Variants in PRKCE observed in about 807,000 individuals in gnomAD.
The protein encoded by PRKCE is protein kinase C epsilon type.
Under a neutral mutation model 85.4 loss-of-function variants are expected in PRKCE, and 16 were observed. That is an observed-to-expected ratio of 0.19 (90% CI 0.13 to 0.28). The LOEUF (loss-of-function observed/expected upper bound fraction) is 0.28, where lower values mean the gene tolerates loss of function less well. PRKCE is among the 10% of genes least tolerant of loss of function. PRKCE has a pLI of 1.00. For synonymous variants in PRKCE, 388 were observed against 371.5 expected (o/e 1.04, Z -0.51); for missense variants, 573 against 975.2 (o/e 0.59, Z 5.49).
At chr2:46,069,283 T>TTC in intron 10 of PRKCE, among the ~76,000 whole-genome samples, 1 of 152,188 alleles carries the variant, frequency 6.6e-6, no homozygotes, top group African/African-American at 2.4e-5. Context: ...TGCCAGTCAC[T>TTC]AACTATTGAA....
intron 1 of PRKCE, among the ~76,000 whole-genome samples, chr2:45,789,403 C>G (rs191021842): frequency 6.6e-6 from 1 of 152,294 alleles, no homozygotes; most frequent in Non-Finnish European, 1.5e-5. Context: ...GTATGTTTGA[C>G]AAAAGCCTAG....
chr2:45,954,422 A>T (rs1041809633), intron 2 of PRKCE, among the ~76,000 whole-genome samples: 1 of 152,230 alleles, frequency 6.6e-6, no homozygotes, highest in African/African-American at 2.4e-5. Flanking sequence ...AGCAAAGAAC[A>T]TGTAAGGAAA....
rs898377102 is a variant in PRKCE at position 45,774,741 on chromosome 2, C to T, written c.349-68259C>T. On this transcript the variant is annotated intron_variant, in intron 1 of 14. Coordinates refer to ENST00000306156, the MANE Select transcript of PRKCE (RefSeq NM_005400.3). This position sits in a 1 kb window ranked among gnomAD's most constrained non-coding sequence, Gnocchi z 4.3. The stretch of plus-strand genomic sequence containing the variant: ...TGAATCAAGCCGGGACGCCCAGTCA[C>T]CCTGACTTTGACTCTTTCCTGGAGG... Among the ~76,000 whole-genome samples, 2 of 152,102 alleles carry T rather than the reference C, an allele frequency of 1.3e-5. No individual in the cohort carries two copies. The highest frequency in any genetic ancestry group is 6.5e-5 in the Admixed American group (1 of 15,276).
At chr2:45,828,271 C>T (rs1455727804) in intron 1 of PRKCE, among the ~76,000 whole-genome samples, 1 of 152,194 alleles carries the variant, frequency 6.6e-6, no homozygotes, top group East Asian at 1.9e-4. Flanking sequence ...GTTGAAAACT[C>T]TATTGATAAT....
chr2:46,061,532 G>A (rs1244537466), intron 10 of PRKCE, among the ~76,000 whole-genome samples: 1 of 152,172 alleles, frequency 6.6e-6, no homozygotes, highest in South Asian at 2.1e-4. Context: ...ATGACCTAGA[G>A]CAGTCATTTC....
chr2:45,693,902 G>A (rs1677939110), intron 1 of PRKCE, among the ~76,000 whole-genome samples: 2 of 152,018 alleles, frequency 1.3e-5, no homozygotes. Flanking sequence ...TCCATAGCAG[G>A]GAGAGAAGTT....
At chr2:46,177,421 G>A (rs1679526941) in intron 14 of PRKCE, among the ~76,000 whole-genome samples, 1 of 152,214 alleles carries the variant, frequency 6.6e-6, no homozygotes, top group Non-Finnish European at 1.5e-5. Context: ...AAATCAAGGT[G>A]TTGGCAGGGT....
At chr2:45,939,174 G>T (rs1487758281) in intron 2 of PRKCE, among the ~76,000 whole-genome samples, 1 of 152,190 alleles carries the variant, frequency 6.6e-6, no homozygotes, top group Non-Finnish European at 1.5e-5. Context: ...TCACTTGGAG[G>T]CTTCAATAAG....
intron 6 of PRKCE, among the ~76,000 whole-genome samples, chr2:45,995,753 C>G (rs1032727362): frequency 3.3e-5 from 5 of 152,162 alleles, no homozygotes; most frequent in Non-Finnish European, 7.4e-5. Context: ...ATTACTTCAG[C>G]TTTATAGTAA....
chr2:45,659,906 T>C (rs962388005), intron 1 of PRKCE, among the ~76,000 whole-genome samples: 1 of 152,210 alleles, frequency 6.6e-6, no homozygotes, highest in Non-Finnish European at 1.5e-5. Context: ...TTTATCTTTG[T>C]TGTTTATTTC....
At chr2:46,148,976 G>A (rs557180963) in intron 12 of PRKCE, among the ~76,000 whole-genome samples, 50 of 152,300 alleles carry the variant, frequency 3.3e-4, no homozygotes, top group Non-Finnish European at 5.9e-4. Context: ...AAAGGTATTA[G>A]CTAAACAGAT....
intron 1 of PRKCE, among the ~76,000 whole-genome samples, chr2:45,819,574 G>T (rs1689355211): frequency 6.6e-6 from 1 of 152,142 alleles, no homozygotes; most frequent in South Asian, 2.1e-4. Flanking sequence ...TGTTCCTTCT[G>T]GTTTTTCACG....
At chr2:45,910,498 G>A (rs1038060335) in intron 2 of PRKCE, among the ~76,000 whole-genome samples, 7 of 152,178 alleles carry the variant, frequency 4.6e-5, no homozygotes, top group Non-Finnish European at 1.0e-4. Context: ...CACCTTACAT[G>A]GGAGTAGGCT....
chr2:45,810,086 G>A (rs1038028713), intron 1 of PRKCE, among the ~76,000 whole-genome samples: 1 of 151,916 alleles, frequency 6.6e-6, no homozygotes, highest in Non-Finnish European at 1.5e-5. Context: ...TGTCCCCCAG[G>A]CTGGAGTGCA....
chr2:46,162,586 A>C (rs2104596823), intron 14 of PRKCE, among the ~76,000 whole-genome samples: 1 of 152,258 alleles, frequency 6.6e-6, no homozygotes, highest in South Asian at 2.1e-4. Flanking sequence ...GGTAGGTTTG[A>C]ATTCAGTTGG....
intron 1 of PRKCE, among the ~76,000 whole-genome samples, chr2:45,779,980 C>A (rs192375176): frequency 6.6e-6 from 1 of 152,182 alleles, no homozygotes; most frequent in Non-Finnish European, 1.5e-5. Flanking sequence ...CTACCTCACT[C>A]CATAGGTTCT....
At chr2:45,924,332 T>C (rs1411389792) in intron 2 of PRKCE, among the ~76,000 whole-genome samples, 3 of 152,194 alleles carry the variant, frequency 2.0e-5, no homozygotes, top group African/African-American at 7.2e-5. Flanking sequence ...CTTGCGCCAA[T>C]TTTGAGGCTT....
At position 45,907,214 on chromosome 2, in the gene PRKCE, C is replaced by G. The variant is rs920447369; in HGVS notation, c.412+64151C>G. Among the ~76,000 whole-genome samples, 5 of 152,164 alleles carry G rather than the reference C, an allele frequency of 3.3e-5. No individual in the cohort carries two copies. The highest frequency in any genetic ancestry group is 1.2e-4 in the African/African-American group (5 of 41,432). On this transcript the variant is annotated intron_variant, in intron 2 of 14. Coordinates refer to ENST00000306156, the MANE Select transcript of PRKCE (RefSeq NM_005400.3). The surrounding 1 kb of genome is among the most constrained non-coding windows in gnomAD (Gnocchi z 4.5). ...AGAGAAGAGAAAAATGAAGCTTTAACTATCACAGAGCATCTGACTGAGAAT... is the reference window on the plus strand; with the variant it reads ...AGAGAAGAGAAAAATGAAGCTTTAAGTATCACAGAGCATCTGACTGAGAAT...
At chr2:46,137,987 T>C (rs1675161566) in intron 11 of PRKCE, among the ~76,000 whole-genome samples, 1 of 152,254 alleles carries the variant, frequency 6.6e-6, no homozygotes, top group African/African-American at 2.4e-5. Context: ...ATAAATTAGT[T>C]AGTATAGTTA....
Sources: gnomAD v4.1 joint callset for allele counts (sites outside exome capture counted in the v4.1 genomes callset) on GRCh38, gnomAD v4.1.1 for gene constraint, Gnocchi (gnomAD v3.1) non-coding constraint, MANE v1.5 for transcripts, NCBI Gene and HGNC (gene_info 2026-07-23, HGNC 2026-07-21) for gene names.